Variants in SLC5A1 observed in about 807,000 individuals in gnomAD.
The protein encoded by SLC5A1 is sodium/glucose cotransporter 1.
A neutral mutation model predicts 73.5 loss-of-function variants in SLC5A1; 42 were observed. The ratio of observed to expected loss-of-function variants is 0.57; its 90% confidence interval spans 0.45 to 0.74. The LOEUF (loss-of-function observed/expected upper bound fraction) is 0.74. SLC5A1 is among the 30% of genes least tolerant of loss of function. The pLI is 0.00. For synonymous variants in SLC5A1, 300 were observed against 317.4 expected (o/e 0.95, Z 0.58); for missense variants, 634 against 855.4 (o/e 0.74, Z 3.23).
rs2094053303 is a variant in SLC5A1 at position 32,109,995 on chromosome 22, C to T, written c.1777C>T (p.Gln593Ter). 1 of 1,613,648 alleles carries T rather than the reference C, an allele frequency of 6.2e-7. No homozygotes were observed. The highest frequency in any genetic ancestry group is 8.5e-7 in the Non-Finnish European group (1 of 1,179,700). Residue 593 changes from glutamine (Q) to a stop codon, truncating the protein, a stop_gained, in exon 15 of 15, where the codon CAA becomes TAA. Transcript: ENST00000266088. LOFTEE classifies it high-confidence loss of function. Reference protein sequence around the residue: ...GPKETIEIETQVPEKKKGIFR... With the variant: ...GPKETIEIET ...TCTTCTATGCCTTTGCCCAGAAACA[C>T]AAGTTCCTGAGAAGAAAAAAGGAAT...
At chr22:32,064,268 G>A (rs116872567) in intron 2 of SLC5A1, among the ~76,000 whole-genome samples, 6,819 of 152,128 alleles carry the variant, frequency 0.045, 208 homozygotes, top group Non-Finnish European at 0.07. Context: ...GGCCAAGGCG[G>A]ATGGATTGCT....
chr22:32,113,011 A>G lies in SLC5A1; in HGVS notation c.*2798A>G, dbSNP rs2149501059. The G allele has an allele frequency of 6.6e-6, 1 of 152,294 alleles. No individual in the cohort carries two copies. The highest frequency in any genetic ancestry group is 2.1e-4 in the South Asian group (1 of 4,820). 9.4% of individuals were successfully genotyped at this position (152,294 alleles called of 1,614,324 possible). Reference sequence around the variant, plus strand: ...TTATTATTTGTGAATTTAAAAAATAAAAATAATTTCCAAAAAAAGTGACAG... The same window carrying G: ...TTATTATTTGTGAATTTAAAAAATAGAAATAATTTCCAAAAAAAGTGACAG... On this transcript the variant is annotated 3_prime_UTR_variant, in exon 15 of 15. Transcript: ENST00000266088.
Position 32,068,576 on chromosome 22 carries a change from G to C in SLC5A1, c.453G>C (p.Leu151=). The C allele has an allele frequency of 6.2e-7, 1 of 1,613,634 alleles. No homozygotes were observed. Among genetic ancestry groups the C allele is most frequent in the Non-Finnish European group, 8.5e-7 (1 of 1,179,712 alleles). ...TCTACCTTTCCCTTCTGTCCCTGCT[G>C]CTCTACATTTTCACCAAGATCTCGG... ...IQVYLSLLSL[L]LYIFTKISAD... The change falls in exon 5 of 15, where the codon CTG becomes CTC. Residue 151 remains leucine, a synonymous_variant. Transcript: ENST00000266088.
At position 32,102,363 on chromosome 22, in the gene SLC5A1, G is replaced by A; in HGVS notation, c.1665+126G>A. 4.0e-6 allele frequency: 3 copies of A among 741,856 alleles called. No individual in the cohort carries two copies. The South Asian group carries it at 4.6e-5, about 11-fold the overall frequency. 46.0% of individuals were successfully genotyped at this position (741,856 alleles called of 1,614,324 possible). On this transcript the variant is annotated intron_variant, in intron 13 of 14. Coordinates refer to ENST00000266088, the MANE Select transcript of SLC5A1 (RefSeq NM_000343.4). ...TATATAATTATGGGGTACATGTAAT[G>A]TTTTGATACAGGCATACAATATAAA... is the stretch of plus-strand genomic sequence containing the variant.
chr22:32,081,352 C>T (rs1223739959), intron 5 of SLC5A1, among the ~76,000 whole-genome samples: 1 of 152,088 alleles, frequency 6.6e-6, no homozygotes, highest in Non-Finnish European at 1.5e-5. Context: ...GGACTGCATC[C>T]GGGTTGGGGA....
At chr22:32,072,395 C>A (rs1305823859) in intron 5 of SLC5A1, among the ~76,000 whole-genome samples, 1 of 152,152 alleles carries the variant, frequency 6.6e-6, no homozygotes, top group Non-Finnish European at 1.5e-5. Context: ...GATGTAATCT[C>A]ATTCTTTTTT....
chr22:32,060,702 T>C (rs1569302527), intron 2 of SLC5A1, among the ~76,000 whole-genome samples: 1 of 152,128 alleles, frequency 6.6e-6, no homozygotes, highest in Non-Finnish European at 1.5e-5. Context: ...TCCAAGTAGC[T>C]AGGACTACAG....
intron 1 of SLC5A1, among the ~76,000 whole-genome samples, chr22:32,047,115 T>C (rs867917236): frequency 2.0e-5 from 3 of 152,178 alleles, no homozygotes; most frequent in Middle Eastern, 3.4e-3. Flanking sequence ...GAGGAGGCTG[T>C]AGGGAAGGAG....
rs1203557575 is a variant in SLC5A1, at chr22:32,050,007, G to A, written c.200G>A (p.Trp67Ter). 3 of 1,613,638 alleles carry A rather than the reference G, an allele frequency of 1.9e-6. No individual in the cohort carries two copies. In the African/African-American group the frequency reaches 4.0e-5, roughly 22 times the overall value. The change falls in exon 2 of 15, where the codon TGG (tryptophan) becomes TAG (stop). Residue 67 changes from tryptophan (W) to a stop codon, truncating the protein, a stop_gained. Transcript: ENST00000266088. LOFTEE classifies it high-confidence loss of function. ...TTCCTGGCAGGCCGAAGTATGGTGT[G>A]GTGGCCGGTAAGTTTTCTCTGAAAT... ...GFFLAGRSMV[W>*]WPIGASLFAS...
chr22:32,067,338 C>CATT (rs201292542), intron 3 of SLC5A1, among the ~76,000 whole-genome samples: 25 of 146,406 alleles, frequency 1.7e-4, no homozygotes, highest in African/African-American at 2.9e-4. Flanking sequence ...ACCAGATTTC[C>CATT]ATTATTATTA....
intron 11 of SLC5A1, among the ~76,000 whole-genome samples, chr22:32,093,666 G>A (rs2094021848): frequency 6.6e-6 from 1 of 151,882 alleles, no homozygotes; most frequent in South Asian, 2.1e-4. Flanking sequence ...ATGTAGCAGA[G>A]CTACTGATTT....
intron 2 of SLC5A1, among the ~76,000 whole-genome samples, chr22:32,065,225 G>A (rs991910457): frequency 6.6e-6 from 1 of 152,110 alleles, no homozygotes; most frequent in East Asian, 1.9e-4. Context: ...GGGATTAGAA[G>A]CATGAGCCAC....
intron 13 of SLC5A1, among the ~76,000 whole-genome samples, chr22:32,103,535 G>A (rs1448906362): frequency 6.6e-6 from 1 of 152,182 alleles, no homozygotes; most frequent in Non-Finnish European, 1.5e-5. Context: ...TGCTCCCCAA[G>A]TGACAGCTCA....
At chr22:32,044,157 C>A (rs923630092) in intron 1 of SLC5A1, among the ~76,000 whole-genome samples, 3 of 152,010 alleles carry the variant, frequency 2.0e-5, no homozygotes, top group Non-Finnish European at 4.4e-5. Flanking sequence ...GCAGGCCCAA[C>A]AACTAGAGGA....
chr22:32,070,246 C>A (rs1603118063), intron 5 of SLC5A1, among the ~76,000 whole-genome samples: 1 of 54,016 alleles, frequency 1.9e-5, no homozygotes. Context: ...CCCTCCCCCT[C>A]CCCTCCCCTC....
intron 9 of SLC5A1, 109 bp from the exon 10 acceptor site, chr22:32,086,111 A>C: frequency 1.3e-6 from 1 of 743,796 alleles, no homozygotes. Flanking sequence ...ACTGCACTCC[A>C]GCCTGGGCTA....
chr22:32,090,100 C>CAAA (rs11365344), intron 10 of SLC5A1, among the ~76,000 whole-genome samples: 3 of 105,552 alleles, frequency 2.8e-5, no homozygotes, highest in Non-Finnish European at 4.1e-5. Context: ...CCTTGTCTTT[C>CAAA]AAAAAAAAAA....
rs766738791 is a variant in SLC5A1, at chr22:32,110,325, A to G, written c.*112A>G. ...CCAGTTGTAAATTTTGCCCAGGTGGATAAATGTGTACATGTGTAATTATAG... is the reference window on the plus strand; with the variant it reads ...CCAGTTGTAAATTTTGCCCAGGTGGGTAAATGTGTACATGTGTAATTATAG... On this transcript the variant is annotated 3_prime_UTR_variant, in exon 15 of 15. Coordinates refer to ENST00000266088, the MANE Select transcript of SLC5A1 (RefSeq NM_000343.4). 3.2e-5 allele frequency: 25 copies of G among 790,290 alleles called. No homozygotes were observed. Among genetic ancestry groups the G allele is most frequent in the Non-Finnish European group, 4.7e-5 (21 of 450,026 alleles). The allele number at this position is 790,290 out of a possible 1,614,324, so 49.0% of individuals were successfully genotyped here.
In SLC5A1 at chr22:32,079,029, T is replaced by A. The variant is rs142309777; in HGVS notation, c.478-2837T>A. Among the ~76,000 whole-genome samples the A allele has an allele frequency of 1.3e-3, 184 of 142,418 alleles. 1 individual carries two copies. Among genetic ancestry groups the A allele is most frequent in the African/African-American group, 4.8e-3 (177 of 36,798 alleles). The allele number at this position is 142,418 out of a possible 152,430, so 93.4% of individuals were successfully genotyped here. ...AATATTCCAGAAAGCAGAAAGGAGG[T>A]CCCTTACTTTTCAATGTTGTTTTGA... On this transcript the variant is annotated intron_variant, in intron 5 of 14. Coordinates refer to ENST00000266088, the MANE Select transcript of SLC5A1 (RefSeq NM_000343.4).
Sources: gnomAD v4.1 joint callset for allele counts (sites outside exome capture counted in the v4.1 genomes callset) on GRCh38, gnomAD v4.1.1 for gene constraint, MANE v1.5 for transcripts, NCBI Gene and HGNC (gene_info 2026-07-23, HGNC 2026-07-21) for gene names.